Variants in NOD1 observed in about 807,000 individuals in gnomAD.
The protein encoded by NOD1 is nucleotide-binding oligomerization domain-containing protein 1.
Under a neutral mutation model 81.2 loss-of-function variants are expected in NOD1, and 70 were observed. The observed-to-expected ratio is 0.86, with a 90% CI of 0.71 to 1.05. NOD1 has a LOEUF of 1.05. Ranked by LOEUF, NOD1 falls within the 50% of genes least tolerant of loss-of-function variation. NOD1 has a pLI of 0.00. For missense variants in NOD1, 1,233 were observed against 1,228.0 expected (o/e 1.00, Z -0.06); for synonymous variants, 508 against 526.9 (o/e 0.96, Z 0.49).
At position 30,451,405 on chromosome 7, in the gene NOD1, G is replaced by A. The variant is rs551079657; in HGVS notation, c.2012C>T (p.Ala671Val). The change falls in exon 6 of 14, where the codon GCG (alanine) becomes GTG (valine). Residue 671 changes from alanine (A) to valine (V), a missense_variant. Ala to Val is a moderately conservative substitution (Grantham distance 64). Coordinates refer to ENST00000222823, the MANE Select transcript of NOD1 (RefSeq NM_006092.4). This position sits in a 1 kb window ranked among gnomAD's most constrained non-coding sequence, Gnocchi z 4.2. ...GTAGTTGGCGCAGATGCCCCTGGCCGCCAGCTGCCCCACCTTCTGGCTCTG... is the reference window on the plus strand; with the variant it reads ...GTAGTTGGCGCAGATGCCCCTGGCCACCAGCTGCCCCACCTTCTGGCTCTG... The part of the protein sequence containing the change: ...ETQSQKVGQL[A>V]ARGICANYLK... The A allele has an allele frequency of 1.2e-5, 20 of 1,613,800 alleles. No homozygotes were observed. The highest frequency in any genetic ancestry group is 8.3e-5 in the Admixed American group (5 of 60,010).
At chr7:30,427,605 C>A (rs1783566970) in intron 13 of NOD1, among the ~76,000 whole-genome samples, 1 of 152,194 alleles carries the variant, frequency 6.6e-6, no homozygotes, top group Admixed American at 6.5e-5. Context: ...CTCCCAAGAC[C>A]AGCACCCATG....
intron 11 of NOD1, 102 bp from the exon 12 acceptor site, chr7:30,433,281 G>C: frequency 1.2e-6 from 1 of 841,794 alleles, no homozygotes; most frequent in East Asian, 2.6e-5. Context: ...CTCCAGCTAT[G>C]CAGATGATCA....
rs759325298 is a variant in NOD1 at position 30,447,010 on chromosome 7, C to G, written c.2326G>C (p.Val776Leu). The G allele has an allele frequency of 6.2e-7, 1 of 1,614,210 alleles. No individual in the cohort carries two copies. Among genetic ancestry groups the G allele is most frequent in the South Asian group, 1.1e-5 (1 of 91,082 alleles). The change falls in exon 8 of 14, where the codon GTC (valine) becomes CTC (leucine). Residue 776 changes from valine to leucine, a missense_variant. Transcript: ENST00000222823. ...TTGCATTCATCCAGGATTTTGGTGA[C>G]GTACCTGGCTCCGACATCGGTGATC... Reference protein sequence around the residue: ...NQITDVGARYVTKILDECKGL... With the variant: ...NQITDVGARYLTKILDECKGL...
At position 30,451,802 on chromosome 7, in the gene NOD1, CCT is replaced by C. The variant is rs1171461583; in HGVS notation, c.1613_1614del (p.Gln538ArgfsTer204). 6.2e-7 allele frequency: 1 copy of C among 1,613,860 alleles called. No homozygotes were observed. The highest frequency in any genetic ancestry group is 8.5e-7 in the Non-Finnish European group (1 of 1,180,018). On this transcript the variant is annotated frameshift_variant, in exon 6 of 14. Coordinates refer to ENST00000222823, the MANE Select transcript of NOD1 (RefSeq NM_006092.4). LOFTEE classifies it high-confidence loss of function. This position sits in a 1 kb window ranked among gnomAD's most constrained non-coding sequence, Gnocchi z 4.2. ...CACTCCTGGAAGAACCTGAGCAGCT[CCT>C]GAGTGCCCACCCTGTCGTCCAGCAC... The part of the protein sequence containing the change: ...FLVLDDRVGT[Q>X]ELLRFFQEWM...
At chr7:30,438,311 T>C (rs1583688865) in intron 9 of NOD1, among the ~76,000 whole-genome samples, 1 of 152,236 alleles carries the variant, frequency 6.6e-6, no homozygotes, top group South Asian at 2.1e-4. Flanking sequence ...GATGGTGGAC[T>C]CCTGACCCGG....
Position 30,447,066 on chromosome 7 carries a change from C to T in NOD1, c.2286-16G>A, listed in dbSNP as rs758801541. The stretch of plus-strand genomic sequence containing the variant: ...GTTGTATAAACTTCAAGAGAAAGCA[C>T]AGCCATGAGACTTTCTGGCTCCTGA... On this transcript the variant is annotated splice_polypyrimidine_tract_variant and intron_variant, in intron 7 of 13. Coordinates refer to ENST00000222823, the MANE Select transcript of NOD1 (RefSeq NM_006092.4). 1 of 1,613,410 alleles carries T rather than the reference C, an allele frequency of 6.2e-7. No individual in the cohort carries two copies. Among genetic ancestry groups the T allele is most frequent in the South Asian group, 1.1e-5 (1 of 91,074 alleles).
chr7:30,445,540 T>C (rs1476737360), intron 9 of NOD1, among the ~76,000 whole-genome samples: 3 of 151,600 alleles, frequency 2.0e-5, no homozygotes, highest in Admixed American at 2.0e-4. Flanking sequence ...GGGTGGATCA[T>C]TTGAGGTCAG....
rs571873437 is a variant in NOD1 at position 30,447,300 on chromosome 7, C to A, written c.2286-250G>T. 9.0e-4 allele frequency: 485 copies of A among 538,548 alleles called. 2 individuals are homozygous for A. The highest frequency in any genetic ancestry group is 6.7e-3 in the South Asian group (341 of 50,766). 33.4% of individuals were successfully genotyped at this position (538,548 alleles called of 1,614,324 possible). A position where few individuals can be genotyped will look rare whatever the true frequency, so the allele number is the denominator to read the frequency against. On this transcript the variant is annotated intron_variant, in intron 7 of 13. Transcript: ENST00000222823. ...TGCCTCAGTTTCTCCATCTGTAATA[C>A]AGAGGTAATGATGATAGTCCCCTTG...
chr7:30,437,547 C>T, intron 10 of NOD1, 26 bp downstream of exon 10: 4 of 1,466,860 alleles, frequency 2.7e-6, no homozygotes, highest in Non-Finnish European at 3.6e-6. Context: ...CAGGTTGGCC[C>T]CTGGAGACAG....
At chr7:30,436,143 A>C in intron 10 of NOD1, 62 bp from the exon 11 acceptor site, 3 of 1,310,054 alleles carry the variant, frequency 2.3e-6, no homozygotes, top group Non-Finnish European at 3.3e-6. Context: ...TCTTAGCTTC[A>C]ACATCAGAAC....
intron 1 of NOD1, among the ~76,000 whole-genome samples, chr7:30,465,336 A>C (rs1224907779): frequency 6.6e-6 from 1 of 151,838 alleles, no homozygotes; most frequent in African/African-American, 2.4e-5. Flanking sequence ...GGCTTCCCTT[A>C]TTTTGTGTAT....
chr7:30,453,179 T>C, intron 5 of NOD1, 139 bp from the exon 6 acceptor site: 1 of 854,822 alleles, frequency 1.2e-6, no homozygotes, highest in East Asian at 2.7e-5. Flanking sequence ...GCGCAGCCAC[T>C]CCTCAGATGC....
chr7:30,453,977 CAG>C (rs1388139510), intron 5 of NOD1, among the ~76,000 whole-genome samples: 1 of 152,182 alleles, frequency 6.6e-6, no homozygotes, highest in Non-Finnish European at 1.5e-5. Flanking sequence ...ACGGAACCAA[CAG>C]AGAAGTCTTT....
intron 13 of NOD1, 143 bp downstream of exon 13, chr7:30,429,231 T>C (rs1783728456): frequency 1.3e-6 from 1 of 744,376 alleles, no homozygotes; most frequent in African/African-American, 1.7e-5. Flanking sequence ...TCTGTCTACC[T>C]CTGTAAAACA....
intron 12 of NOD1, among the ~76,000 whole-genome samples, chr7:30,430,243 TA>T (rs1783826512): frequency 6.6e-6 from 1 of 152,196 alleles, no homozygotes; most frequent in African/African-American, 2.4e-5. Flanking sequence ...GGAAAAGCTT[TA>T]ATAATGGGGA....
chr7:30,453,011 G>T lies in NOD1; in HGVS notation c.406C>A (p.His136Asn). ...ACGAACTTGGAGTCACGGCCCAGAT[G>T]GTGTCGCAGCTGCTGGGTATACCTG... ...VSRYTQQLRH[H>N]LGRDSKFVLC... The change falls in exon 6 of 14, where the codon CAT becomes AAT. Residue 136 changes from histidine to asparagine, a missense_variant. By Grantham distance (68) the His-to-Asn change is moderately conservative. Transcript: ENST00000222823. The T allele has an allele frequency of 6.2e-7, 1 of 1,612,446 alleles. No homozygotes were observed. The highest frequency in any genetic ancestry group is 1.1e-5 in the South Asian group (1 of 90,856).
intron 6 of NOD1, among the ~76,000 whole-genome samples, chr7:30,450,459 C>T (rs1299196154): frequency 6.6e-6 from 1 of 152,186 alleles, no homozygotes; most frequent in African/African-American, 2.4e-5. Flanking sequence ...ATTTAACCCC[C>T]TGTAGAGATT....
intron 11 of NOD1, among the ~76,000 whole-genome samples, chr7:30,434,294 C>T (rs925419400): frequency 2.6e-5 from 4 of 152,202 alleles, no homozygotes; most frequent in African/African-American, 4.8e-5. Context: ...GCAGTCAGCA[C>T]TTGAGGGCTT....
At position 30,448,375 on chromosome 7, in the gene NOD1, G is replaced by T; in HGVS notation, c.2208C>A (p.Ser736Arg). The change falls in exon 7 of 14, where the codon AGC (serine) becomes AGA (arginine). Residue 736 changes from serine (S) to arginine (R), a missense_variant. Ser to Arg is a moderately radical substitution (Grantham distance 110). Coordinates refer to ENST00000222823, the MANE Select transcript of NOD1 (RefSeq NM_006092.4). ...CCCCACCGTCAGTGATCTGGTTTAC[G>T]CTGAGTCTGAAATAAAACAGCAAAA... ...CFSRLTVLRL[S>R]VNQITDGGVK... The T allele has an allele frequency of 6.2e-7, 1 of 1,613,698 alleles. No homozygotes were observed. Among genetic ancestry groups the T allele is most frequent in the Non-Finnish European group, 8.5e-7 (1 of 1,179,582 alleles).
Sources: allele counts gnomAD v4.1 joint callset (sites outside exome capture counted in the v4.1 genomes callset), GRCh38; gene constraint gnomAD v4.1.1; non-coding constraint Gnocchi (gnomAD v3.1); transcripts MANE v1.5; gene names NCBI Gene and HGNC (gene_info 2026-07-23, HGNC 2026-07-21).